Variants in RANBP2 observed in about 807,000 individuals in gnomAD.
RANBP2 encodes the protein E3 SUMO-protein ligase RanBP2.
In RANBP2, 57 loss-of-function variants were observed where a neutral mutation model predicts 303.6. That is an observed-to-expected ratio of 0.19 (90% confidence interval 0.15 to 0.23). RANBP2 has a LOEUF of 0.23. RANBP2 is among the 10% of genes least tolerant of loss of function. RANBP2 has a pLI of 1.00. For missense variants in RANBP2, 3,138 were observed against 3,780.8 expected, an observed-to-expected ratio of 0.83 and a Z score of 4.46; for synonymous variants, 1,167 against 1,301.5, an observed-to-expected ratio of 0.90 and a Z score of 2.23.
the RANBP2 span, chr2:109,564,338 G>A: frequency 2.0e-6 from 3 of 1,495,360 alleles, no homozygotes; most frequent in Non-Finnish European, 2.7e-6. Context: ...CTTCCTCTTT[G>A]GTTGGCTTCC....
chr2:108,881,792 G>A, the RANBP2 span, among the ~76,000 whole-genome samples: 1 of 152,306 alleles, frequency 6.6e-6, no homozygotes, highest in Admixed American at 6.5e-5. Flanking sequence ...CATCAATTAA[G>A]TTTGCTGTCT....
the RANBP2 span, among the ~76,000 whole-genome samples, chr2:109,047,990 T>C: frequency 6.6e-6 from 1 of 151,866 alleles, no homozygotes; most frequent in Non-Finnish European, 1.5e-5. Flanking sequence ...TGGGTGGGAG[T>C]GGAGACAAAG....
Position 108,783,690 on chromosome 2 carries a change from C to G in RANBP2, c.9464C>G (p.Pro3155Arg). The G allele has an allele frequency of 6.2e-7, 1 of 1,609,874 alleles. No homozygotes were observed. The highest frequency in any genetic ancestry group is 1.7e-4 in the Middle Eastern group (1 of 6,054). The change falls in exon 29 of 29, where the codon CCT becomes CGT. Residue 3155 changes from proline to arginine, a missense_variant. This residue lies in a region of RANBP2 where 204 missense variants were observed against 228.4 expected (regional missense o/e 0.89). Coordinates refer to ENST00000283195, the MANE Select transcript of RANBP2 (RefSeq NM_006267.5). ...AATTTTGATGTGAAACATACTGGTCCTGGTTTACTATCCATGGCCAATCAA... is the reference window on the plus strand; with the variant it reads ...AATTTTGATGTGAAACATACTGGTCGTGGTTTACTATCCATGGCCAATCAA... ...DENFDVKHTG[P>R]GLLSMANQGQ...
chr2:108,720,081 C>T (rs1422193048), intron 1 of RANBP2: 10 of 984,532 alleles, frequency 1.0e-5, no homozygotes, highest in African/African-American at 3.5e-5. Flanking sequence ...ACTTTATATG[C>T]TGCGGCGGAG....
At chr2:109,670,998 A>G in the RANBP2 span, among the ~76,000 whole-genome samples, 17 of 152,270 alleles carry the variant, frequency 1.1e-4, no homozygotes, top group Middle Eastern at 3.4e-3. Context: ...CTTGGGCCAA[A>G]AGGAGAGGCT....
At chr2:109,375,335 C>T in the RANBP2 span, among the ~76,000 whole-genome samples, 4 of 152,340 alleles carry the variant, frequency 2.6e-5, no homozygotes, top group Admixed American at 1.3e-4. Flanking sequence ...GCCGTCCCCA[C>T]GCCAGGACCC....
chr2:108,957,077 G>A, the RANBP2 span, among the ~76,000 whole-genome samples: 3 of 152,232 alleles, frequency 2.0e-5, no homozygotes, highest in East Asian at 1.9e-4. Flanking sequence ...GGCGTGAGCC[G>A]CCACGCCCAG....
the RANBP2 span, among the ~76,000 whole-genome samples, chr2:109,725,641 T>C: frequency 6.6e-6 from 1 of 152,364 alleles, no homozygotes; most frequent in Non-Finnish European, 1.5e-5. Flanking sequence ...GAAAAGTCAC[T>C]GTTACGGTGC....
the RANBP2 span, among the ~76,000 whole-genome samples, chr2:108,878,899 A>G: frequency 6.6e-6 from 1 of 152,250 alleles, no homozygotes; most frequent in South Asian, 2.1e-4. Flanking sequence ...AACTATTAAA[A>G]ATAGCATAAA....
At chr2:109,044,548 AAAT>A in the RANBP2 span, among the ~76,000 whole-genome samples, 1 of 151,782 alleles carries the variant, frequency 6.6e-6, no homozygotes, top group African/African-American at 2.4e-5. Context: ...AAATAAATAA[AAAT>A]AATGAGATAA....
chr2:109,487,273 G>A, the RANBP2 span, among the ~76,000 whole-genome samples: 2 of 152,132 alleles, frequency 1.3e-5, no homozygotes, highest in Non-Finnish European at 2.9e-5. Flanking sequence ...ATCAGTCTAT[G>A]AGCCTCTCCC....
the RANBP2 span, among the ~76,000 whole-genome samples, chr2:109,397,191 C>T: frequency 6.6e-6 from 1 of 152,132 alleles, no homozygotes; most frequent in African/African-American, 2.4e-5. Flanking sequence ...TCAGTTTCCG[C>T]TTGGTGAGGA....
chr2:109,614,982 C>T, the RANBP2 span: 2 of 1,540,278 alleles, frequency 1.3e-6, no homozygotes, highest in East Asian at 2.5e-5. Context: ...GCAGCCCCTA[C>T]CGCGGACTCC....
chr2:109,316,235 C>T, the RANBP2 span, among the ~76,000 whole-genome samples: 1 of 152,296 alleles, frequency 6.6e-6, no homozygotes, highest in South Asian at 2.1e-4. Context: ...TCTCTCGCAG[C>T]AGATCTGCAC....
At chr2:109,514,394 C>A in the RANBP2 span, among the ~76,000 whole-genome samples, 4 of 152,176 alleles carry the variant, frequency 2.6e-5, no homozygotes, top group African/African-American at 9.7e-5. Flanking sequence ...GCAGCCCATC[C>A]GCCCACCGCC....
At chr2:109,229,451 C>G in the RANBP2 span, among the ~76,000 whole-genome samples, 2 of 152,220 alleles carry the variant, frequency 1.3e-5, no homozygotes, top group Non-Finnish European at 2.9e-5. Context: ...TCTCCATGGA[C>G]TCCTCTGGCT....
the RANBP2 span, among the ~76,000 whole-genome samples, chr2:109,161,491 T>C: frequency 6.6e-6 from 1 of 152,124 alleles, no homozygotes. Flanking sequence ...GTGACGTGCA[T>C]TACATATCGT....
the RANBP2 span, among the ~76,000 whole-genome samples, chr2:108,814,594 C>T: frequency 5.4e-5 from 8 of 149,244 alleles, no homozygotes; most frequent in African/African-American, 2.0e-4. Flanking sequence ...TTAATGTTGC[C>T]TATTTATTAA....
chr2:109,262,792 A>G, the RANBP2 span, among the ~76,000 whole-genome samples: 1 of 152,122 alleles, frequency 6.6e-6, no homozygotes, highest in African/African-American at 2.4e-5. Context: ...AATGGGCCCA[A>G]TGATAAAATT....
Sources: gnomAD v4.1 joint callset for allele counts (sites outside exome capture counted in the v4.1 genomes callset) on GRCh38, gnomAD v4.1.1 for gene constraint, gnomAD v4.1.1 regional missense constraint, MANE v1.5 for transcripts, NCBI Gene and HGNC (gene_info 2026-07-23, HGNC 2026-07-21) for gene names.